Variants in SLAIN1 observed in about 807,000 individuals in gnomAD.
SLAIN1 encodes the protein SLAIN family member 1.
Under a neutral mutation model 55.4 loss-of-function variants are expected in SLAIN1, and 17 were observed. That is an observed-to-expected ratio of 0.31 (90% confidence interval 0.21 to 0.46). The LOEUF is 0.46. SLAIN1 is among the 20% of genes least tolerant of loss of function. SLAIN1 has a pLI of 1.00. For synonymous variants in SLAIN1, 348 were observed against 337.4 expected, an observed-to-expected ratio of 1.03 and a Z score of -0.35; for missense variants, 682 against 785.1, an observed-to-expected ratio of 0.87 and a Z score of 1.57.
intron 4 of SLAIN1, among the ~76,000 whole-genome samples, chr13:77,752,530 A>T (rs192651467): frequency 2.0e-5 from 3 of 152,136 alleles, no homozygotes. Context: ...AAATGTATAT[A>T]TGAAGGGGCA....
In SLAIN1 at chr13:77,697,904, G is replaced by T; in HGVS notation, c.-10G>T. The T allele has an allele frequency of 2.9e-6, 4 of 1,369,852 alleles. No homozygotes were observed. Among genetic ancestry groups the T allele is most frequent in the Non-Finnish European group, 3.8e-6 (4 of 1,052,946 alleles). 84.9% of individuals were successfully genotyped at this position (1,369,852 alleles called of 1,614,324 possible). A position where few individuals can be genotyped will look rare whatever the true frequency, so the allele number is the denominator to read the frequency against. On this transcript the variant is annotated 5_prime_UTR_variant, in exon 1 of 7. Coordinates refer to ENST00000418532, the MANE Select transcript of SLAIN1 (RefSeq NM_001242868.2). ...ACTCCCCGGCGGCCGCGGCGCCCTC[G>T]GGGCCCACGATGATGGCGGAGCAGG... is the stretch of plus-strand genomic sequence containing the variant.
chr13:77,740,533 C>G (rs1873368907), intron 2 of SLAIN1, among the ~76,000 whole-genome samples: 1 of 150,032 alleles, frequency 6.7e-6, no homozygotes, highest in African/African-American at 2.4e-5. Context: ...GAACCGCCCC[C>G]CCCCCCTTTT....
rs1389671009 is a variant in SLAIN1, at chr13:77,698,420, G to T, written c.507G>T (p.Ala169=). 2.9e-6 allele frequency: 4 copies of T among 1,393,742 alleles called. No homozygotes were observed. The highest frequency in any genetic ancestry group is 3.7e-6 in the Non-Finnish European group (4 of 1,079,206). The allele number at this position is 1,393,742 out of a possible 1,614,324, so 86.3% of individuals were successfully genotyped here. The part of the protein sequence containing the change: ...AGGGGPEPGG[A]GTPPGAAAAP... ...GTGGCGGGCCGGAGCCGGGGGGCGCGGGGACGCCGCCAGGGGCAGCTGCAG... is the reference window on the plus strand; with the variant it reads ...GTGGCGGGCCGGAGCCGGGGGGCGCTGGGACGCCGCCAGGGGCAGCTGCAG... Residue 169 remains alanine (A), a synonymous_variant, in exon 1 of 7, where the codon GCG becomes GCT. Transcript: ENST00000418532. This position sits in a 1 kb window ranked among gnomAD's most constrained non-coding sequence, Gnocchi z 4.1.
intron 1 of SLAIN1, among the ~76,000 whole-genome samples, chr13:77,710,862 A>G (rs1466787567): frequency 4.6e-5 from 7 of 152,234 alleles, no homozygotes; most frequent in Non-Finnish European, 1.0e-4. Flanking sequence ...AGCAAAGGCA[A>G]AAGAATGGAA....
At chr13:77,730,892 T>A (rs971001550) in intron 2 of SLAIN1, among the ~76,000 whole-genome samples, 1 of 152,152 alleles carries the variant, frequency 6.6e-6, no homozygotes, top group Middle Eastern at 3.2e-3. Flanking sequence ...AATCATAAGT[T>A]TTTTGGTCAT....
At chr13:77,741,295 T>C (rs1164227385) in intron 2 of SLAIN1, 1 of 987,324 alleles carries the variant, frequency 1.0e-6, no homozygotes, top group African/African-American at 1.7e-5. Flanking sequence ...AGATTGAACA[T>C]GTGAGAACAG....
chr13:77,712,558 G>A (rs577704677), intron 1 of SLAIN1, among the ~76,000 whole-genome samples: 8 of 152,152 alleles, frequency 5.3e-5, no homozygotes, highest in Non-Finnish European at 1.0e-4. Context: ...GGAAATCAGA[G>A]CGGACACAAA....
At chr13:77,715,809 A>G (rs1191318987) in intron 1 of SLAIN1, among the ~76,000 whole-genome samples, 1 of 152,122 alleles carries the variant, frequency 6.6e-6, no homozygotes, top group African/African-American at 2.4e-5. Context: ...TGTTTTCTGC[A>G]TAAAAGTTCT....
chr13:77,763,152 CAGCCTCCAA>C lies in SLAIN1; in HGVS notation c.1712_1720del (p.Pro571_Pro573del). The C allele has an allele frequency of 3.1e-6, 5 of 1,613,626 alleles. No homozygotes were observed. The highest frequency in any genetic ancestry group is 4.2e-6 in the Non-Finnish European group (5 of 1,179,660). ...TTTCTTGTCTCTTTTTAGTTTTCTT[CAGCCTCCAA>C]AGCCTCTGTCTTCACTCAGCACTCT... On this transcript the variant is annotated inframe_deletion, in exon 7 of 7. Coordinates refer to ENST00000418532, the MANE Select transcript of SLAIN1 (RefSeq NM_001242868.2).
chr13:77,731,746 A>T (rs1144378), intron 2 of SLAIN1, among the ~76,000 whole-genome samples: 9,757 of 152,174 alleles, frequency 0.064, 376 homozygotes, highest in African/African-American at 0.09. Flanking sequence ...GACAGTGTAA[A>T]AATAGAACTG....
intron 2 of SLAIN1, among the ~76,000 whole-genome samples, chr13:77,737,795 A>G (rs1873199371): frequency 6.6e-6 from 1 of 151,324 alleles, no homozygotes; most frequent in African/African-American, 2.4e-5. Context: ...CTGCACTTAC[A>G]ATATGACATC....
rs2090994741 is a variant in SLAIN1, at chr13:77,698,310, C to T, written c.397C>T (p.Pro133Ser). 6.9e-7 allele frequency: 1 copy of T among 1,445,896 alleles called. No individual in the cohort carries two copies. The highest frequency in any genetic ancestry group is 9.1e-7 in the Non-Finnish European group (1 of 1,101,238). 89.6% of individuals were successfully genotyped at this position (1,445,896 alleles called of 1,614,324 possible). The change falls in exon 1 of 7, where the codon CCC becomes TCC. Residue 133 changes from proline (P) to serine (S), a missense_variant. By Grantham distance (74) the Pro-to-Ser change is moderately conservative. Transcript: ENST00000418532. The surrounding 1 kb of genome is among the most constrained non-coding windows in gnomAD (Gnocchi z 4.1). Reference protein sequence around the residue: ...PGTFCLPSPAPSLLCSLAQPP... With the variant: ...PGTFCLPSPASSLLCSLAQPP... ...CACCTTCTGCCTGCCTAGCCCCGCG[C>T]CCTCCCTGCTTTGCAGCCTGGCGCA...
chr13:77,725,833 C>T (rs574577923), intron 2 of SLAIN1, among the ~76,000 whole-genome samples: 3 of 152,176 alleles, frequency 2.0e-5, no homozygotes, highest in Admixed American at 2.0e-4. Flanking sequence ...GTAAGCATCC[C>T]CAGGAAGCCA....
Position 77,719,617 on chromosome 13 carries a change from C to T in SLAIN1, c.712C>T (p.Pro238Ser), listed in dbSNP as rs770975200. ...LQWCRHVLDN[P>S]TPEMEAARRS... ...GTGGTGTAGACATGTCCTAGATAACCCAACTCCTGAGATGGAAGCAGCGAG... is the reference window on the plus strand; with the variant it reads ...GTGGTGTAGACATGTCCTAGATAACTCAACTCCTGAGATGGAAGCAGCGAG... Residue 238 changes from proline to serine, a missense_variant, in exon 2 of 7, where the codon CCA (proline) becomes TCA (serine). Transcript: ENST00000418532. 1 of 1,613,436 alleles carries T rather than the reference C, an allele frequency of 6.2e-7. No homozygotes were observed. The highest frequency in any genetic ancestry group is 8.5e-7 in the Non-Finnish European group (1 of 1,179,604).
intron 1 of SLAIN1, among the ~76,000 whole-genome samples, chr13:77,707,937 G>A (rs2154409371): frequency 6.6e-6 from 1 of 152,300 alleles, no homozygotes; most frequent in African/African-American, 2.4e-5. Flanking sequence ...TGGCTGTATT[G>A]GAGGGGATTT....
chr13:77,713,874 G>C (rs2154409539), intron 1 of SLAIN1, among the ~76,000 whole-genome samples: 1 of 152,228 alleles, frequency 6.6e-6, no homozygotes, highest in East Asian at 1.9e-4. Context: ...CCTTTGCAGG[G>C]ACATGGATGA....
intron 3 of SLAIN1, among the ~76,000 whole-genome samples, chr13:77,745,948 C>T (rs2154410477): frequency 6.6e-6 from 1 of 152,020 alleles, no homozygotes; most frequent in African/African-American, 2.4e-5. Context: ...TATAGGATGA[C>T]CTAAAACTAT....
chr13:77,712,534 A>G (rs1363798224), intron 1 of SLAIN1, among the ~76,000 whole-genome samples: 1 of 152,196 alleles, frequency 6.6e-6, no homozygotes, highest in Admixed American at 6.5e-5. Flanking sequence ...CAAGTACTAC[A>G]AACCAGTGCT....
At chr13:77,724,560 T>C (rs1296511262) in intron 2 of SLAIN1, among the ~76,000 whole-genome samples, 1 of 152,116 alleles carries the variant, frequency 6.6e-6, no homozygotes. Context: ...TCATAGTTAA[T>C]CCCCCATATT....
Sources: allele counts gnomAD v4.1 joint callset (sites outside exome capture counted in the v4.1 genomes callset), GRCh38; gene constraint gnomAD v4.1.1; non-coding constraint Gnocchi (gnomAD v3.1); transcripts MANE v1.5; gene names NCBI Gene and HGNC (gene_info 2026-07-23, HGNC 2026-07-21).